Variants in MED27 observed in about 807,000 individuals in gnomAD.
MED27 encodes the protein mediator complex subunit 27.
In MED27, 30 loss-of-function variants were observed where a neutral mutation model predicts 38.2. The observed-to-expected ratio is 0.79, with a 90% CI of 0.59 to 1.07. The LOEUF is 1.07. Among genes scored for constraint, MED27 ranks in the 50% least tolerant of loss-of-function variants. The pLI is 0.00. For missense variants in MED27, 289 were observed against 397.5 expected (o/e 0.73, Z 2.32); for synonymous variants, 122 against 153.5 (o/e 0.79, Z 1.52).
At chr9:132,054,008 C>G (rs1833519339) in intron 2 of MED27, among the ~76,000 whole-genome samples, 1 of 151,614 alleles carries the variant, frequency 6.6e-6, no homozygotes, top group African/African-American at 2.4e-5. Context: ...AAAAAAAAAT[C>G]TGCTTAAAAA....
chr9:131,873,514 A>T (rs1057092783), intron 6 of MED27, among the ~76,000 whole-genome samples: 4 of 152,196 alleles, frequency 2.6e-5, no homozygotes, highest in Non-Finnish European at 5.9e-5. Flanking sequence ...TTTGTATGCC[A>T]CAGGTTCAGC....
intron 3 of MED27, among the ~76,000 whole-genome samples, chr9:131,946,136 T>C (rs1830882938): frequency 6.6e-6 from 1 of 152,192 alleles, no homozygotes; most frequent in African/African-American, 2.4e-5. Context: ...ACATTTTCTC[T>C]ACTCATTCAT....
At chr9:132,006,574 T>C (rs566515482) in intron 3 of MED27, among the ~76,000 whole-genome samples, 2 of 152,198 alleles carry the variant, frequency 1.3e-5, no homozygotes, top group African/African-American at 4.8e-5. Context: ...ACAGTCACTA[T>C]GTAAATGGTG....
chr9:132,002,574 G>A (rs1460137965), intron 3 of MED27, among the ~76,000 whole-genome samples: 1 of 152,096 alleles, frequency 6.6e-6, no homozygotes, highest in Admixed American at 6.5e-5. Flanking sequence ...TTTCTGGGCC[G>A]AAATCTATAT....
intron 2 of MED27, chr9:132,073,230 T>C (rs1833979916): frequency 1.3e-6 from 1 of 754,524 alleles, no homozygotes; most frequent in Non-Finnish European, 1.6e-6. Context: ...TTGCCTCCCA[T>C]CCAAGCACCA....
chr9:132,048,759 G>T (rs1254974528), intron 2 of MED27, among the ~76,000 whole-genome samples: 2 of 152,210 alleles, frequency 1.3e-5, no homozygotes, highest in African/African-American at 2.4e-5. Flanking sequence ...CATCACGGGG[G>T]TGGCGGGCAG....
chr9:131,962,138 T>A (rs1269902387), intron 3 of MED27, among the ~76,000 whole-genome samples: 1 of 152,216 alleles, frequency 6.6e-6, no homozygotes, highest in Non-Finnish European at 1.5e-5. Flanking sequence ...TAGAGACATT[T>A]AAAATGTGGC....
At chr9:132,050,724 C>T (rs1294023837) in intron 2 of MED27, among the ~76,000 whole-genome samples, 3 of 152,206 alleles carry the variant, frequency 2.0e-5, no homozygotes, top group Non-Finnish European at 4.4e-5. Flanking sequence ...AGACTCTGCT[C>T]TCCACACAGG....
chr9:132,055,629 T>C (rs1366327436), intron 2 of MED27, among the ~76,000 whole-genome samples: 1 of 152,150 alleles, frequency 6.6e-6, no homozygotes. Flanking sequence ...CTCATAGCAC[T>C]CATAAGCCAC....
chr9:132,052,203 T>C (rs1399054171), intron 2 of MED27, among the ~76,000 whole-genome samples: 1 of 152,198 alleles, frequency 6.6e-6, no homozygotes, highest in African/African-American at 2.4e-5. Flanking sequence ...TTCATTCTTG[T>C]ACATTTCCTT....
At chr9:132,065,494 C>T (rs771941001) in intron 2 of MED27, among the ~76,000 whole-genome samples, 81 of 152,178 alleles carry the variant, frequency 5.3e-4, no homozygotes, top group Non-Finnish European at 1.1e-3. Flanking sequence ...TCTTTTGTGC[C>T]CCCTCCCACC....
chr9:132,013,432 G>C (rs1380480731), intron 3 of MED27, among the ~76,000 whole-genome samples: 2 of 152,216 alleles, frequency 1.3e-5, no homozygotes, highest in Non-Finnish European at 2.9e-5. Context: ...CACAGGTATA[G>C]ACAGAGAGCA....
intron 4 of MED27, among the ~76,000 whole-genome samples, chr9:131,924,289 A>G (rs1041169193): frequency 6.6e-6 from 1 of 152,104 alleles, no homozygotes; most frequent in Non-Finnish European, 1.5e-5. Flanking sequence ...GAGAAATGGT[A>G]CCTCAGTGCA....
chr9:132,057,200 C>T (rs1456978692), intron 2 of MED27, among the ~76,000 whole-genome samples: 3 of 152,354 alleles, frequency 2.0e-5, no homozygotes, highest in Non-Finnish European at 2.9e-5. Flanking sequence ...ACACCACCCG[C>T]GGTAATCCTC....
At chr9:132,016,604 T>G (rs1832607959) in intron 2 of MED27, among the ~76,000 whole-genome samples, 1 of 152,216 alleles carries the variant, frequency 6.6e-6, no homozygotes. Context: ...CTGCCAGAAT[T>G]TGCAATGAGT....
At chr9:132,026,501 T>C (rs1250472917) in intron 2 of MED27, among the ~76,000 whole-genome samples, 3 of 152,200 alleles carry the variant, frequency 2.0e-5, no homozygotes, top group Non-Finnish European at 4.4e-5. Context: ...TCCCAAAGTG[T>C]ATTCCACAAG....
At chr9:131,938,949 G>A (rs1188663519) in intron 4 of MED27, among the ~76,000 whole-genome samples, 2 of 152,064 alleles carry the variant, frequency 1.3e-5, no homozygotes, top group East Asian at 1.9e-4. Context: ...TCCTGACCTC[G>A]TGATCCGCCC....
intron 3 of MED27, among the ~76,000 whole-genome samples, chr9:131,965,752 G>C (rs1305257154): frequency 2.0e-5 from 3 of 151,972 alleles, no homozygotes; most frequent in Admixed American, 2.0e-4. Context: ...ACTTTTTCTT[G>C]AACAAAAAAT....
At chr9:131,931,295 G>T (rs1305143570) in intron 4 of MED27, among the ~76,000 whole-genome samples, 1 of 151,638 alleles carries the variant, frequency 6.6e-6, no homozygotes, top group Non-Finnish European at 1.5e-5. Context: ...TAAAACAACA[G>T]ATTATAAGAT....
Sources: gnomAD v4.1 joint callset for allele counts (sites outside exome capture counted in the v4.1 genomes callset) on GRCh38, gnomAD v4.1.1 for gene constraint, MANE v1.5 for transcripts, NCBI Gene and HGNC (gene_info 2026-07-23, HGNC 2026-07-21) for gene names.